TCF4: variants seen among roughly 807,000 people sequenced by gnomAD.
TCF4 encodes the protein SL3-3 enhancer factor 2.
TCF4 carries 3 observed loss-of-function variants against 82.1 expected under a neutral mutation model. The observed-to-expected ratio is 0.04, with a 90% CI of 0.02 to 0.09. The LOEUF (loss-of-function observed/expected upper bound fraction) is 0.09. TCF4 is among the 10% of genes least tolerant of loss of function. The pLI is 1.00. For missense variants in TCF4, 518 were observed against 852.7 expected, an observed-to-expected ratio of 0.61 and a Z score of 4.89; for synonymous variants, 276 against 309.6, an observed-to-expected ratio of 0.89 and a Z score of 1.14.
intron 6 of TCF4, among the ~76,000 whole-genome samples, chr18:55,380,469 CA>C (rs1288850740): frequency 6.6e-6 from 1 of 152,014 alleles, no homozygotes; most frequent in Non-Finnish European, 1.5e-5. Flanking sequence ...CTTATAAGGA[CA>C]TTAATTCCTT....
At chr18:55,286,548 G>T (rs952185068) in intron 8 of TCF4, among the ~76,000 whole-genome samples, 1 of 152,196 alleles carries the variant, frequency 6.6e-6, no homozygotes, top group African/African-American at 2.4e-5. Flanking sequence ...CTAACTTAAA[G>T]ATTCCAATGG....
intron 12 of TCF4, 27 bp downstream of exon 12, chr18:55,261,439 T>C: frequency 1.2e-6 from 2 of 1,612,866 alleles, no homozygotes; most frequent in South Asian, 1.1e-5. Context: ...ATGGTACATA[T>C]GGAGTCCAAA....
In TCF4 at chr18:55,254,575, A is replaced by G; in HGVS notation, c.1272T>C (p.Pro424=). 6.2e-7 allele frequency: 1 copy of G among 1,613,806 alleles called. No individual in the cohort carries two copies. Among genetic ancestry groups the G allele is most frequent in the East Asian group, 2.2e-5 (1 of 44,838 alleles). Residue 424 remains proline (P), a synonymous_variant, in exon 15 of 20, where the codon CCT becomes CCC. Transcript: ENST00000354452. The stretch of plus-strand genomic sequence containing the variant: ...GACCACCCATGGCTCCATTATGAGA[A>G]GGTCCAATGATTCCATGCATGTCCC... ...GHGDMHGIIG[P]SHNGAMGGLG...
At chr18:55,517,082 T>C (rs2096889628) in intron 3 of TCF4, among the ~76,000 whole-genome samples, 1 of 152,178 alleles carries the variant, frequency 6.6e-6, no homozygotes, top group Admixed American at 6.5e-5. Flanking sequence ...CAGAACCTTG[T>C]GGGAAACGGT....
chr18:55,564,626 G>A (rs1455712429), intron 3 of TCF4, among the ~76,000 whole-genome samples: 1 of 152,132 alleles, frequency 6.6e-6, no homozygotes, highest in Non-Finnish European at 1.5e-5. Context: ...AGAAGCCTAG[G>A]GAAGGTATAC....
intron 3 of TCF4, among the ~76,000 whole-genome samples, chr18:55,512,143 G>C (rs1216549754): frequency 6.6e-6 from 1 of 152,070 alleles, no homozygotes; most frequent in Non-Finnish European, 1.5e-5. Context: ...ATAGCAACTT[G>C]GCAAGATACA....
intron 15 of TCF4, among the ~76,000 whole-genome samples, chr18:55,247,265 A>G (rs1185063248): frequency 2.6e-5 from 4 of 152,188 alleles, no homozygotes; most frequent in African/African-American, 7.2e-5. Flanking sequence ...TGATGTGGGC[A>G]TTAGTCACAC....
intron 8 of TCF4, chr18:55,302,500 G>T: frequency 6.5e-7 from 1 of 1,536,120 alleles, no homozygotes; most frequent in South Asian, 1.2e-5. Context: ...GGTGTTGTTT[G>T]CTGATTGGTC....
chr18:55,552,988 G>C (rs907757303), intron 3 of TCF4, among the ~76,000 whole-genome samples: 2 of 152,100 alleles, frequency 1.3e-5, no homozygotes, highest in African/African-American at 4.8e-5. Context: ...TACATTATAG[G>C]AAGAACAGAA....
chr18:55,234,177 A>G (rs1273007446), intron 16 of TCF4, among the ~76,000 whole-genome samples: 1 of 152,286 alleles, frequency 6.6e-6, no homozygotes, highest in East Asian at 1.9e-4. Context: ...CTTAAACAAC[A>G]AAAACAATTT....
intron 13 of TCF4, among the ~76,000 whole-genome samples, chr18:55,258,934 G>C (rs2057463184): frequency 6.6e-6 from 1 of 152,086 alleles, no homozygotes; most frequent in African/African-American, 2.4e-5. Flanking sequence ...CGGTCTCTCT[G>C]GACATAGAGA....
chr18:55,468,882 C>A (rs1338765681), intron 3 of TCF4, among the ~76,000 whole-genome samples: 4 of 9,572 alleles, frequency 4.2e-4, no homozygotes, highest in Admixed American at 1.9e-3. Flanking sequence ...TTAGTTCTCG[C>A]CCCCCCCCCC....
chr18:55,577,864 C>T (rs2097543742), intron 3 of TCF4, among the ~76,000 whole-genome samples: 1 of 152,048 alleles, frequency 6.6e-6, no homozygotes, highest in African/African-American at 2.4e-5. Flanking sequence ...AGTTTATATG[C>T]CAACCATCAG....
At chr18:55,391,209 CA>C (rs1174381190) in intron 6 of TCF4, among the ~76,000 whole-genome samples, 1 of 152,176 alleles carries the variant, frequency 6.6e-6, no homozygotes, top group Non-Finnish European at 1.5e-5. Flanking sequence ...ACACAATTCA[CA>C]GTTCAAATGT....
intron 17 of TCF4, 95 bp downstream of exon 17, chr18:55,232,414 G>T: frequency 6.9e-7 from 1 of 1,450,648 alleles, no homozygotes. Flanking sequence ...AAATTTACCT[G>T]CCAGGAAAAA....
chr18:55,303,230 C>CACACACACACACACACACACCCCT (rs2068903343), intron 8 of TCF4, among the ~76,000 whole-genome samples: 1 of 86,950 alleles, frequency 1.2e-5, no homozygotes, highest in Non-Finnish European at 2.5e-5. Flanking sequence ...AGTACGTACA[C>CACACACACACACACACACACCCCT]ACACACACAC....
At chr18:55,607,212 A>G (rs952048364) in intron 2 of TCF4, among the ~76,000 whole-genome samples, 37 of 152,320 alleles carry the variant, frequency 2.4e-4, no homozygotes, top group Middle Eastern at 3.4e-3. Context: ...ATATACTCCC[A>G]TCTTCTCGAG....
intron 3 of TCF4, among the ~76,000 whole-genome samples, chr18:55,521,561 C>T (rs1348986456): frequency 6.6e-6 from 1 of 152,212 alleles, no homozygotes; most frequent in Non-Finnish European, 1.5e-5. Flanking sequence ...TCGGCTTACT[C>T]TCACCTGAAC....
intron 8 of TCF4, among the ~76,000 whole-genome samples, chr18:55,305,062 A>AAG (rs2069794893): frequency 6.6e-6 from 1 of 152,220 alleles, no homozygotes; most frequent in African/African-American, 2.4e-5. Flanking sequence ...CTGAGATGTC[A>AAG]GTACCCATTA....
Sources: allele counts gnomAD v4.1 joint callset (sites outside exome capture counted in the v4.1 genomes callset), GRCh38; gene constraint gnomAD v4.1.1; transcripts MANE v1.5; gene names NCBI Gene and HGNC (gene_info 2026-07-23, HGNC 2026-07-21).